Variants in MALRD1 observed in about 807,000 individuals in gnomAD.
MALRD1 encodes MAM and LDL-receptor class A domain-containing protein 1.
In MALRD1, 247 loss-of-function variants were observed where a neutral mutation model predicts 242.1. The ratio of observed to expected loss-of-function variants is 1.02; its 90% CI spans 0.92 to 1.13. The LOEUF is 1.13. MALRD1 is among the 50% of genes most tolerant of loss of function. MALRD1 has a pLI of 0.00. For synonymous variants in MALRD1, 995 were observed against 866.6 expected (o/e 1.15, Z -2.60); for missense variants, 2,989 against 2,533.1 (o/e 1.18, Z -3.86).
At chr10:19,660,503 C>T (rs981160233) in intron 36 of MALRD1, among the ~76,000 whole-genome samples, 1 of 152,118 alleles carries the variant, frequency 6.6e-6, no homozygotes, top group Non-Finnish European at 1.5e-5. Flanking sequence ...AGAAGAACAG[C>T]ATCCTAGGCA....
intron 26 of MALRD1, among the ~76,000 whole-genome samples, chr10:19,375,841 C>T (rs1055584314): frequency 1.2e-4 from 19 of 152,130 alleles, no homozygotes; most frequent in Non-Finnish European, 1.8e-4. Context: ...AATCTCCAGG[C>T]GGCCAGACAC....
At chr10:19,642,011 C>T (rs1275256727) in intron 36 of MALRD1, among the ~76,000 whole-genome samples, 1 of 152,038 alleles carries the variant, frequency 6.6e-6, no homozygotes, top group African/African-American at 2.4e-5. Flanking sequence ...AAAATTAAAA[C>T]TAATCTTGAT....
At chr10:19,354,040 TAAA>T (rs920682628) in intron 26 of MALRD1, among the ~76,000 whole-genome samples, 1 of 147,998 alleles carries the variant, frequency 6.8e-6, no homozygotes, top group Non-Finnish European at 1.5e-5. Flanking sequence ...GAAGCAACAT[TAAA>T]AAAAAAAGTT....
intron 4 of MALRD1, among the ~76,000 whole-genome samples, chr10:19,101,112 A>G (rs1327162631): frequency 1.3e-5 from 2 of 151,602 alleles, no homozygotes; most frequent in Admixed American, 6.6e-5. Context: ...TTTCCTTATC[A>G]TGTAAGCTAT....
chr10:19,653,787 TG>T lies in MALRD1; in HGVS notation c.6137+37866del, dbSNP rs557676706. ...TCAGAGTAATATCAAAGTTATTCTT[TG>T]GTGGTCCATGGTGATCCATTTCAGT... On this transcript the variant is annotated intron_variant, in intron 36 of 39. Transcript: ENST00000454679. Among the ~76,000 whole-genome samples, 349 of 152,260 alleles carry T rather than the reference TG, an allele frequency of 2.3e-3. 1 individual carries two copies. Among genetic ancestry groups the T allele is most frequent in the African/African-American group, 7.5e-3 (313 of 41,526 alleles).
Position 19,175,307 on chromosome 10 carries a change from A to G in MALRD1, c.1930A>G (p.Arg644Gly). ...TGAAATTTCCTATAAATCACTACCA[A>G]GGACCAGTACACAAAGCAAGTGTAA... ...ECEISYKSLP[R>G]TSTQSKFSKC... Residue 644 changes from arginine to glycine, a missense_variant, in exon 14 of 40, where the codon AGG becomes GGG. Coordinates refer to ENST00000454679, the MANE Select transcript of MALRD1 (RefSeq NM_001142308.3). 8.1e-7 allele frequency: 1 copy of G among 1,230,610 alleles called. No individual in the cohort carries two copies. The highest frequency in any genetic ancestry group is 1.0e-6 in the Non-Finnish European group (1 of 987,282). 76.2% of individuals were successfully genotyped at this position (1,230,610 alleles called of 1,614,324 possible).
At chr10:19,589,237 C>A (rs1837624758) in intron 33 of MALRD1, among the ~76,000 whole-genome samples, 1 of 151,962 alleles carries the variant, frequency 6.6e-6, no homozygotes, top group Non-Finnish European at 1.5e-5. Flanking sequence ...TAGCTCAATA[C>A]CAACATTGGT....
Position 19,124,518 on chromosome 10 carries a change from G to A in MALRD1, c.797-6G>A, listed in dbSNP as rs78483112. ...TAGTCCACCAAGATCTTTTTCTCCCGTTTAGTGTGTCAGGCCTGTGGGTTT... is the reference window on the plus strand; with the variant it reads ...TAGTCCACCAAGATCTTTTTCTCCCATTTAGTGTGTCAGGCCTGTGGGTTT... On this transcript the variant is annotated splice_polypyrimidine_tract_variant and splice_region_variant and intron_variant, in intron 6 of 39. Coordinates refer to ENST00000454679, the MANE Select transcript of MALRD1 (RefSeq NM_001142308.3). The A allele has an allele frequency of 1.0e-3, 1,287 of 1,233,606 alleles. 14 individuals carry two copies. The African/African-American group carries it at 0.018, about 18-fold the overall frequency. 76.4% of individuals were successfully genotyped at this position (1,233,606 alleles called of 1,614,324 possible).
intron 29 of MALRD1, among the ~76,000 whole-genome samples, chr10:19,485,746 A>G (rs1164047825): frequency 6.6e-6 from 1 of 152,106 alleles, no homozygotes; most frequent in Non-Finnish European, 1.5e-5. Flanking sequence ...AAAAGAGACA[A>G]ATCCATCGAT....
rs115984282 is a variant in MALRD1 at position 19,101,091 on chromosome 10, C to T, written c.598-2888C>T. ...TATACCAGGTGCTGTTTTACATGTTCGCAACTCATTTTTCCTTATCATGTA... is the reference window on the plus strand; with the variant it reads ...TATACCAGGTGCTGTTTTACATGTTTGCAACTCATTTTTCCTTATCATGTA... On this transcript the variant is annotated intron_variant, in intron 4 of 39. Coordinates refer to ENST00000454679, the MANE Select transcript of MALRD1 (RefSeq NM_001142308.3). Among the ~76,000 whole-genome samples, 405 of 151,404 alleles carry T rather than the reference C, an allele frequency of 2.7e-3. 3 individuals carry two copies. Among genetic ancestry groups the T allele is most frequent in the African/African-American group, 9.2e-3 (379 of 41,322 alleles).
At chr10:19,170,549 G>T (rs1834877880) in intron 13 of MALRD1, among the ~76,000 whole-genome samples, 1 of 152,058 alleles carries the variant, frequency 6.6e-6, no homozygotes, top group Admixed American at 6.6e-5. Flanking sequence ...TCAGTGAAGG[G>T]TAAGATTCAT....
intron 12 of MALRD1, among the ~76,000 whole-genome samples, chr10:19,158,545 G>A (rs1386307171): frequency 6.6e-6 from 1 of 152,186 alleles, no homozygotes; most frequent in Admixed American, 6.5e-5. Flanking sequence ...AGGAAGTAAA[G>A]AGAAATAAAC....
intron 29 of MALRD1, among the ~76,000 whole-genome samples, chr10:19,472,146 T>A (rs1279120081): frequency 6.6e-6 from 1 of 152,056 alleles, no homozygotes; most frequent in African/African-American, 2.4e-5. Flanking sequence ...TTTTTCTCCA[T>A]CTATTGAAAT....
At chr10:19,067,398 T>C (rs1163915745) in intron 2 of MALRD1, among the ~76,000 whole-genome samples, 2 of 152,108 alleles carry the variant, frequency 1.3e-5, no homozygotes. Context: ...GTGTTTAAGA[T>C]GTATTAGGGA....
At chr10:19,132,644 C>A (rs1833157905) in intron 8 of MALRD1, among the ~76,000 whole-genome samples, 1 of 152,088 alleles carries the variant, frequency 6.6e-6, no homozygotes, top group Admixed American at 6.6e-5. Context: ...CCTTTCAGGG[C>A]CGTTTTCTAT....
chr10:19,346,131 G>A (rs1487240676), intron 24 of MALRD1, among the ~76,000 whole-genome samples: 1 of 151,904 alleles, frequency 6.6e-6, no homozygotes, highest in African/African-American at 2.4e-5. Context: ...AAGAGTAATT[G>A]GTTTATTTTG....
rs537117023 is a variant in MALRD1, at chr10:19,302,187, A to C, written c.3419+19006A>C. Among the ~76,000 whole-genome samples, 37 of 151,958 alleles carry C rather than the reference A, an allele frequency of 2.4e-4. No individual in the cohort carries two copies. The South Asian group carries it at 3.7e-3, about 15-fold the overall frequency. On this transcript the variant is annotated intron_variant, in intron 21 of 39. Coordinates refer to ENST00000454679, the MANE Select transcript of MALRD1 (RefSeq NM_001142308.3). ...ATGGTAATGTAAAATTATACAGGCA[A>C]CTGTGAACATTGTCTGGCAGTTTCT... is the stretch of plus-strand genomic sequence containing the variant.
At chr10:19,382,024 C>T (rs1034639008) in intron 26 of MALRD1, among the ~76,000 whole-genome samples, 36 of 152,026 alleles carry the variant, frequency 2.4e-4, no homozygotes, top group African/African-American at 8.0e-4. Context: ...GGTGTGTATA[C>T]TTGAGAAATA....
chr10:19,310,687 C>T lies in MALRD1; in HGVS notation c.3420-13262C>T, dbSNP rs570777248. Among the ~76,000 whole-genome samples, 3 of 151,634 alleles carry T rather than the reference C, an allele frequency of 2.0e-5. No individual in the cohort carries two copies. The East Asian group carries it at 5.9e-4, about 30-fold the overall frequency. The stretch of plus-strand genomic sequence containing the variant: ...TGGACTCAGTCAGCAGCCTACTTCT[C>T]TTATCCATGCAATTAATCCATCTGT... On this transcript the variant is annotated intron_variant, in intron 21 of 39. Coordinates refer to ENST00000454679, the MANE Select transcript of MALRD1 (RefSeq NM_001142308.3).
Sources: gnomAD v4.1 joint callset for allele counts (sites outside exome capture counted in the v4.1 genomes callset) on GRCh38, gnomAD v4.1.1 for gene constraint, MANE v1.5 for transcripts, NCBI Gene and HGNC (gene_info 2026-07-23, HGNC 2026-07-21) for gene names.